The following DHX32 variants were observed in gnomAD, a reference collection of about 807,000 sequenced individuals.
The protein encoded by DHX32 is DEAH-box helicase 32 (putative), also known as putative pre-mRNA-splicing factor ATP-dependent RNA helicase DHX32.
A neutral mutation model predicts 70.0 loss-of-function variants in DHX32; 51 were observed. The observed-to-expected ratio is 0.73, with a 90% CI of 0.58 to 0.92. DHX32 has a LOEUF of 0.92. DHX32 is among the 40% of genes least tolerant of loss of function. The pLI, the probability that DHX32 is intolerant of heterozygous loss-of-function variation, is 0.00. For synonymous variants in DHX32, 310 were observed against 315.3 expected (o/e 0.98, Z 0.18); for missense variants, 762 against 891.8 (o/e 0.85, Z 1.85).
intron 6 of DHX32, among the ~76,000 whole-genome samples, chr10:125,844,486 CCTA>C (rs1854957780): frequency 6.6e-6 from 1 of 152,072 alleles, no homozygotes; most frequent in Non-Finnish European, 1.5e-5. Context: ...TGCTCCTGGT[CCTA>C]CAACAGAAAA....
rs780204078 is a variant in DHX32 at position 125,880,779 on chromosome 10, GT to G, written c.45del (p.Lys15AsnfsTer42). On this transcript the variant is annotated frameshift_variant, in exon 1 of 11. Transcript: ENST00000284690. LOFTEE classifies it high-confidence loss of function. ...GAATCCAGGGATTCAGGAAAATAGCGTTTTTCAGAGGAAGAGTTTGGACACT... is the reference window on the plus strand; with the variant it reads ...GAATCCAGGGATTCAGGAAAATAGCGTTTTCAGAGGAAGAGTTTGGACACT... ...GLECPNSSSEKRYFPESLDSS... is the reference protein window; with the variant it reads ...GLECPNSSSEXRYFPESLDSS... The G allele has an allele frequency of 6.2e-7, 1 of 1,614,128 alleles. No homozygotes were observed. The highest frequency in any genetic ancestry group is 8.5e-7 in the Non-Finnish European group (1 of 1,180,024).
intron 6 of DHX32, among the ~76,000 whole-genome samples, chr10:125,848,692 C>A (rs1417285402): frequency 6.6e-6 from 1 of 152,184 alleles, no homozygotes; most frequent in Non-Finnish European, 1.5e-5. Context: ...CTGCTTCTCA[C>A]ACCCATTAAA....
chr10:125,867,326 G>C, intron 1 of DHX32, 143 bp from the exon 2 acceptor site: 1 of 667,688 alleles, frequency 1.5e-6, no homozygotes, highest in East Asian at 2.8e-5. Flanking sequence ...CTTACTTAGT[G>C]AAACTCTGAA....
chr10:125,844,314 A>G (rs1244071554), intron 6 of DHX32, among the ~76,000 whole-genome samples: 2 of 152,260 alleles, frequency 1.3e-5, no homozygotes. Context: ...TAAATCAGCA[A>G]AGCTGCTGCA....
intron 6 of DHX32, among the ~76,000 whole-genome samples, chr10:125,851,625 T>C (rs898647462): frequency 2.0e-5 from 3 of 152,112 alleles, no homozygotes; most frequent in African/African-American, 7.2e-5. Flanking sequence ...CCCCAAAATA[T>C]GACTGGAGGA....
At chr10:125,860,539 A>G (rs1398973274) in intron 2 of DHX32, among the ~76,000 whole-genome samples, 3 of 152,190 alleles carry the variant, frequency 2.0e-5, no homozygotes, top group Non-Finnish European at 4.4e-5. Context: ...AAGGATCTAA[A>G]AAGTAACCAC....
intron 1 of DHX32, among the ~76,000 whole-genome samples, chr10:125,888,037 T>C (rs1340165734): frequency 6.6e-6 from 1 of 152,172 alleles, no homozygotes; most frequent in East Asian, 1.9e-4. Flanking sequence ...AACAGTAAAT[T>C]AGTCTGCAAA....
At chr10:125,841,427 G>A (rs577424155) in intron 7 of DHX32, 8 of 1,578,318 alleles carry the variant, frequency 5.1e-6, no homozygotes, top group Non-Finnish European at 6.9e-6. Flanking sequence ...AACATTATTT[G>A]GGGAAAAACA....
In DHX32 at chr10:125,838,379, C is replaced by G. The variant is rs1158437802; in HGVS notation, c.1890G>C (p.Arg630=). The part of the protein sequence containing the change: ...LLSGYFMQIA[R]DVDGSGNYLM... Reference sequence around the variant, plus strand: ...AGTAGTTACCTGATCCATCAACATCCCGAGCAATCTGAAAGGCAGAATTTT... The same window carrying G: ...AGTAGTTACCTGATCCATCAACATCGCGAGCAATCTGAAAGGCAGAATTTT... The change falls in exon 10 of 11, where the codon CGG becomes CGC. Residue 630 remains arginine, a synonymous_variant. Coordinates refer to ENST00000284690, the MANE Select transcript of DHX32 (RefSeq NM_018180.3). 6.4e-7 allele frequency: 1 copy of G among 1,572,396 alleles called. No homozygotes were observed. The highest frequency in any genetic ancestry group is 1.2e-5 in the South Asian group (1 of 83,504).
At chr10:125,854,853 T>A (rs996760459) in intron 3 of DHX32, 2 of 152,256 alleles carry the variant, frequency 1.3e-5, no homozygotes, top group African/African-American at 4.8e-5. Context: ...ATTGGAATAA[T>A]GAGAACAAAA....
chr10:125,854,164 T>G lies in DHX32; in HGVS notation c.889A>C (p.Asn297His), dbSNP rs1315984479. ...KVCETVYQGS[N>H]LNPDLGELVV... ...AGTTCTCCAAGATCTGGGTTTAGGT[T>G]AGATCCTTGATAGACAGTTTCACAG... Residue 297 changes from asparagine to histidine, a missense_variant, in exon 4 of 11, where the codon AAC becomes CAC. Physicochemically the swap from Asn to His is moderately conservative, Grantham distance 68. Around this residue, in one of 3 missense-constraint regions of DHX32, gnomAD observed 394 missense variants for 473.1 expected, o/e 0.83. Transcript: ENST00000284690. The G allele has an allele frequency of 5.6e-6, 9 of 1,613,640 alleles. 1 individual carries two copies. In the African/African-American group the frequency reaches 1.1e-4, roughly 19 times the overall value.
rs1444465095 is a variant in DHX32 at position 125,866,479 on chromosome 10, C to A, written c.476+511G>T. Among the ~76,000 whole-genome samples, 3 of 152,154 alleles carry A rather than the reference C, an allele frequency of 2.0e-5. No individual in the cohort carries two copies. Among genetic ancestry groups the A allele is most frequent in the Non-Finnish European group, 4.4e-5 (3 of 68,030 alleles). On this transcript the variant is annotated intron_variant, in intron 2 of 10. Transcript: ENST00000284690. The surrounding 1 kb of genome is among the most constrained non-coding windows in gnomAD (Gnocchi z 4.8). ...GCTGACACCAAGTTTTCCAGAAGCCCCACAGAGGGTTTTCTAATGTGTATT... is the reference window on the plus strand; with the variant it reads ...GCTGACACCAAGTTTTCCAGAAGCCACACAGAGGGTTTTCTAATGTGTATT...
rs370237018 is a variant in DHX32 at position 125,863,360 on chromosome 10, A to C, written c.477-3385T>G. Among the ~76,000 whole-genome samples, 132 of 152,330 alleles carry C rather than the reference A, an allele frequency of 8.7e-4. 6 individuals are homozygous for C. In the South Asian group the frequency reaches 0.026, roughly 31 times the overall value. On this transcript the variant is annotated intron_variant, in intron 2 of 10. Coordinates refer to ENST00000284690, the MANE Select transcript of DHX32 (RefSeq NM_018180.3). ...CTTAAAGACAGTTTACTAATTGCCT[A>C]TGATGTGTTTGATAGATACTAAGGG... is the stretch of plus-strand genomic sequence containing the variant.
At chr10:125,880,349 T>C (rs1406472936) in intron 1 of DHX32, among the ~76,000 whole-genome samples, 194 bp downstream of exon 1, 1 of 152,222 alleles carries the variant, frequency 6.6e-6, no homozygotes, top group African/African-American at 2.4e-5. Context: ...AATTTCTACA[T>C]AGATATTATT....
intron 3 of DHX32, among the ~76,000 whole-genome samples, chr10:125,859,253 A>G (rs768005254): frequency 6.6e-6 from 1 of 152,030 alleles, no homozygotes; most frequent in Non-Finnish European, 1.5e-5. Context: ...GGCAGTGGAG[A>G]ATGTCAGGGG....
Position 125,880,795 on chromosome 10 carries a change from G to C in DHX32, c.30C>G (p.Asn10Lys). 6.2e-7 allele frequency: 1 copy of C among 1,614,144 alleles called. No homozygotes were observed. Among genetic ancestry groups the C allele is most frequent in the South Asian group, 1.1e-5 (1 of 91,070 alleles). The change falls in exon 1 of 11, where the codon AAC becomes AAG. Residue 10 changes from asparagine to lysine, a missense_variant. This residue lies in a region of DHX32 where 394 missense variants were observed against 473.1 expected (regional missense o/e 0.83). Transcript: ENST00000284690. ...GAAAATAGCGTTTTTCAGAGGAAGA[G>C]TTTGGACACTCCAGCCCTTCTTCTT... is the stretch of plus-strand genomic sequence containing the variant. MEEEGLECP[N>K]SSSEKRYFPE...
At chr10:125,890,935 C>A (rs890239978) in intron 1 of DHX32, among the ~76,000 whole-genome samples, 9 of 151,880 alleles carry the variant, frequency 5.9e-5, no homozygotes, top group Non-Finnish European at 1.2e-4. Context: ...TTAATAGAGA[C>A]CCCGTCTCTA....
At chr10:125,874,076 C>A (rs1371277795) in intron 1 of DHX32, among the ~76,000 whole-genome samples, 1 of 152,048 alleles carries the variant, frequency 6.6e-6, no homozygotes, top group East Asian at 1.9e-4. Flanking sequence ...AACCTGTCTG[C>A]AAAAAATGTA....
intron 1 of DHX32, among the ~76,000 whole-genome samples, chr10:125,870,652 C>T (rs902478597): frequency 6.6e-5 from 10 of 151,956 alleles, no homozygotes; most frequent in African/African-American, 1.9e-4. Flanking sequence ...ACCTGGCCAA[C>T]GTGACGAAAC....
Sources: allele counts gnomAD v4.1 joint callset (sites outside exome capture counted in the v4.1 genomes callset), GRCh38; gene constraint gnomAD v4.1.1; regional missense constraint gnomAD v4.1.1; non-coding constraint Gnocchi (gnomAD v3.1); transcripts MANE v1.5; gene names NCBI Gene and HGNC (gene_info 2026-07-23, HGNC 2026-07-21).